Variants in ACSM5 observed in about 807,000 individuals in gnomAD.
ACSM5 encodes the protein acyl-coenzyme A synthetase ACSM5, mitochondrial.
Under a neutral mutation model 71.6 loss-of-function variants are expected in ACSM5, and 56 were observed. The observed-to-expected ratio is 0.78, with a 90% CI of 0.63 to 0.98. The LOEUF (loss-of-function observed/expected upper bound fraction) is 0.98. Ranked by LOEUF, ACSM5 falls within the 50% of genes least tolerant of loss-of-function variation. The pLI is 0.00. For missense variants in ACSM5, 723 were observed against 726.0 expected (o/e 1.00, Z 0.05); for synonymous variants, 285 against 281.5 (o/e 1.01, Z -0.12).
At chr16:20,431,812 A>G (rs1329759193) in intron 10 of ACSM5, among the ~76,000 whole-genome samples, 1 of 152,012 alleles carries the variant, frequency 6.6e-6, no homozygotes, top group Non-Finnish European at 1.5e-5. Flanking sequence ...TCAGCCAGGC[A>G]TGGTGGCGCA....
At chr16:20,410,768 TA>T (rs1966846174) in intron 1 of ACSM5, among the ~76,000 whole-genome samples, 1 of 151,862 alleles carries the variant, frequency 6.6e-6, no homozygotes, top group East Asian at 1.9e-4. Context: ...TAAAATTAAA[TA>T]AAAAAATTAA....
intron 5 of ACSM5, among the ~76,000 whole-genome samples, chr16:20,423,158 G>A (rs935292379): frequency 1.7e-4 from 26 of 152,160 alleles, no homozygotes; most frequent in African/African-American, 5.8e-4. Context: ...AAAGAGAATG[G>A]GTCTCAGGAC....
intron 13 of ACSM5, chr16:20,440,125 A>G (rs1229378343): frequency 1.4e-6 from 1 of 699,380 alleles, no homozygotes; most frequent in Non-Finnish European, 2.4e-6. Context: ...GAACAGCCTG[A>G]TCCCTACCAC....
Position 20,440,943 on chromosome 16 carries a change from C to T in ACSM5, c.*516C>T, listed in dbSNP as rs535781239. 6.8e-6 allele frequency: 1 copy of T among 147,744 alleles called. No homozygotes were observed. Among genetic ancestry groups the T allele is most frequent in the Admixed American group, 6.8e-5 (1 of 14,700 alleles). 9.2% of individuals were successfully genotyped at this position (147,744 alleles called of 1,614,324 possible). ...AATGTGTGGTGCACTAAGATGATCA[C>T]ACAGCATTAAAACTAAAAAAAAAAA... On this transcript the variant is annotated 3_prime_UTR_variant, in exon 14 of 14. Transcript: ENST00000331849.
chr16:20,430,930 G>C (rs1170656373), intron 8 of ACSM5, 63 bp from the exon 9 acceptor site: 1 of 1,236,442 alleles, frequency 8.1e-7, no homozygotes, highest in Non-Finnish European at 1.2e-6. Flanking sequence ...TGAGAGAAAG[G>C]CATGGCCCAG....
At chr16:20,435,538 A>G (rs1967174549) in intron 10 of ACSM5, among the ~76,000 whole-genome samples, 1 of 152,156 alleles carries the variant, frequency 6.6e-6, no homozygotes, top group Non-Finnish European at 1.5e-5. Flanking sequence ...TAAGTCAATG[A>G]CTTTTAACAC....
intron 10 of ACSM5, among the ~76,000 whole-genome samples, chr16:20,432,847 CTTTTTTTTTTTT>C (rs56853520): frequency 0.013 from 777 of 57,634 alleles, 37 homozygotes; most frequent in African/African-American, 0.054. Flanking sequence ...CCAGATCATT[CTTTTTTTTTTTT>C]TTTTTTTTTT....
Position 20,440,534 on chromosome 16 carries a change from C to T in ACSM5, c.*107C>T. ...ATCATCTCTTCGACCCTAAAGATGT[C>T]AAAGGTGTGCAGCTTCCAAACGGCA... On this transcript the variant is annotated 3_prime_UTR_variant, in exon 14 of 14. Transcript: ENST00000331849. The T allele has an allele frequency of 2.0e-6, 2 of 1,001,366 alleles. No individual in the cohort carries two copies. Among genetic ancestry groups the T allele is most frequent in the Non-Finnish European group, 3.1e-6 (2 of 644,234 alleles). 62.0% of individuals were successfully genotyped at this position (1,001,366 alleles called of 1,614,324 possible). A position where few individuals can be genotyped will look rare whatever the true frequency, so the allele number is the denominator to read the frequency against.
intron 10 of ACSM5, among the ~76,000 whole-genome samples, chr16:20,434,672 C>CAATA (rs1439829930): frequency 3.9e-5 from 6 of 152,104 alleles, no homozygotes; most frequent in African/African-American, 1.4e-4. Flanking sequence ...CCAGCCTGGG[C>CAATA]AATAGAGTGG....
chr16:20,437,474 G>C lies in ACSM5; in HGVS notation c.1536+107G>C, dbSNP rs1354072128. The C allele has an allele frequency of 4.2e-6, 4 of 941,494 alleles. No homozygotes were observed. In the African/African-American group the frequency reaches 6.6e-5, roughly 16 times the overall value. 58.3% of individuals were successfully genotyped at this position (941,494 alleles called of 1,614,324 possible). ...TCCTGTATTTCACCTCCATCCTTGTGCCACAAAGTTGAAATGCCACCATCA... is the reference window on the plus strand; with the variant it reads ...TCCTGTATTTCACCTCCATCCTTGTCCCACAAAGTTGAAATGCCACCATCA... On this transcript the variant is annotated intron_variant, in intron 12 of 13. Transcript: ENST00000331849.
chr16:20,426,731 A>G (rs57767899), intron 6 of ACSM5, among the ~76,000 whole-genome samples: 3,752 of 152,140 alleles, frequency 0.025, 59 homozygotes, highest in Middle Eastern at 0.061. Flanking sequence ...AGAAAGTACA[A>G]TGGTGTTTAC....
intron 12 of ACSM5, among the ~76,000 whole-genome samples, chr16:20,439,556 G>C (rs184744958): frequency 2.8e-4 from 42 of 151,024 alleles, no homozygotes; most frequent in African/African-American, 9.9e-4. Flanking sequence ...AGTATGGGGA[G>C]TAATTTGAGA....
At chr16:20,429,911 G>A (rs113850482) in intron 8 of ACSM5, 110 bp downstream of exon 8, 15,298 of 1,360,392 alleles carry the variant, frequency 0.011, 99 homozygotes, top group Non-Finnish European at 0.013. Context: ...TCCCCCAGGG[G>A]AGAAGCTGAT....
chr16:20,413,241 T>G (rs1966850805), intron 2 of ACSM5, among the ~76,000 whole-genome samples: 1 of 152,144 alleles, frequency 6.6e-6, no homozygotes, highest in Admixed American at 6.5e-5. Flanking sequence ...CAAGCAGGAT[T>G]AAGTCAGGAA....
At position 20,437,156 on chromosome 16, in the gene ACSM5, C is replaced by T. The variant is rs557422368; in HGVS notation, c.1413C>T (p.Asn471=). ...KDGYFWFMGR[N]DDVINSSSYR... is the part of the protein sequence containing the mutation. Reference sequence around the variant, plus strand: ...GCTACTTTTGGTTCATGGGAAGAAACGACGATGTGATCAATTCTTCAAGGT... The same window carrying T: ...GCTACTTTTGGTTCATGGGAAGAAATGACGATGTGATCAATTCTTCAAGGT... Residue 471 remains asparagine (N), a synonymous_variant, in exon 11 of 14, where the codon AAC becomes AAT. Coordinates refer to ENST00000331849, the MANE Select transcript of ACSM5 (RefSeq NM_017888.3). 12 of 1,614,150 alleles carry T rather than the reference C, an allele frequency of 7.4e-6. No individual in the cohort carries two copies. The highest frequency in any genetic ancestry group is 3.3e-4 in the Middle Eastern group (2 of 6,062).
chr16:20,420,375 C>T lies in ACSM5; in HGVS notation c.624-883C>T, dbSNP rs543333036. Among the ~76,000 whole-genome samples, 28 of 152,240 alleles carry T rather than the reference C, an allele frequency of 1.8e-4. No individual in the cohort carries two copies. In the East Asian group the frequency reaches 5.4e-3, roughly 29 times the overall value. On this transcript the variant is annotated intron_variant, in intron 4 of 13. Transcript: ENST00000331849. Reference sequence around the variant, plus strand: ...CAGCACTTTTGGAGGCTGAGGCAGGCAGATCACCCGAGGTCGGGAGTTTGA... The same window carrying T: ...CAGCACTTTTGGAGGCTGAGGCAGGTAGATCACCCGAGGTCGGGAGTTTGA...
At chr16:20,439,662 C>T (rs1967274915) in intron 12 of ACSM5, 138 bp from the exon 13 acceptor site, 1 of 1,057,692 alleles carries the variant, frequency 9.5e-7, no homozygotes, top group Non-Finnish European at 1.4e-6. Flanking sequence ...TTGTTTGTGT[C>T]ATTGGCTGTG....
At chr16:20,428,481 G>A (rs955465361) in intron 7 of ACSM5, among the ~76,000 whole-genome samples, 15 of 152,178 alleles carry the variant, frequency 9.9e-5, no homozygotes, top group Non-Finnish European at 1.9e-4. Flanking sequence ...GAACAGGGCT[G>A]GTTGCTGGGG....
chr16:20,424,114 T>A, intron 6 of ACSM5, 45 bp downstream of exon 6: 1 of 1,604,644 alleles, frequency 6.2e-7, no homozygotes, highest in Non-Finnish European at 8.5e-7. Context: ...TGGGTACAAA[T>A]GAGATGAGTG....
Sources: allele counts gnomAD v4.1 joint callset (sites outside exome capture counted in the v4.1 genomes callset), GRCh38; gene constraint gnomAD v4.1.1; transcripts MANE v1.5; gene names NCBI Gene and HGNC (gene_info 2026-07-23, HGNC 2026-07-21).